Variants in AGTPBP1 observed in about 807,000 individuals in gnomAD.
The protein encoded by AGTPBP1 is cytosolic carboxypeptidase 1.
In AGTPBP1, 70 loss-of-function variants were observed where a neutral mutation model predicts 143.9. The ratio of observed to expected loss-of-function variants is 0.49; its 90% CI spans 0.40 to 0.59. The LOEUF (loss-of-function observed/expected upper bound fraction) is 0.59. Ranked by LOEUF, AGTPBP1 falls within the 20% of genes least tolerant of loss-of-function variation. The pLI is 0.00. For synonymous variants in AGTPBP1, 463 were observed against 500.2 expected, an observed-to-expected ratio of 0.93 and a Z score of 0.99; for missense variants, 1,229 against 1,464.5, an observed-to-expected ratio of 0.84 and a Z score of 2.62.
chr9:85,621,145 C>T, intron 15 of AGTPBP1, 57 bp downstream of exon 15: 1 of 998,426 alleles, frequency 1.0e-6, no homozygotes, highest in Non-Finnish European at 1.4e-6. Flanking sequence ...AGAAATAATA[C>T]TAAAATTTTA....
At chr9:85,748,581 G>A in the AGTPBP1 span, among the ~76,000 whole-genome samples, 2 of 152,110 alleles carry the variant, frequency 1.3e-5, no homozygotes, top group Non-Finnish European at 2.9e-5. Flanking sequence ...CTTCATGGGG[G>A]AAAAATGTAG....
chr9:85,603,931 C>G (rs1169145685), intron 17 of AGTPBP1, among the ~76,000 whole-genome samples: 2 of 152,268 alleles, frequency 1.3e-5, no homozygotes, highest in East Asian at 3.9e-4. Flanking sequence ...GTGGGAAGAA[C>G]TTTGTCTTGC....
chr9:85,584,863 G>A (rs1587683132), intron 23 of AGTPBP1, among the ~76,000 whole-genome samples: 1 of 152,068 alleles, frequency 6.6e-6, no homozygotes, highest in South Asian at 2.1e-4. Flanking sequence ...TGACTAAATA[G>A]ACACATAGGC....
intron 24 of AGTPBP1, 111 bp downstream of exon 24, chr9:85,578,809 T>C (rs1243635297): frequency 1.8e-6 from 2 of 1,095,224 alleles, no homozygotes; most frequent in African/African-American, 1.6e-5. Flanking sequence ...ACATATTACA[T>C]GTAACTCAAT....
At chr9:85,642,495 AT>A (rs569675176) in intron 13 of AGTPBP1, among the ~76,000 whole-genome samples, 50 of 147,790 alleles carry the variant, frequency 3.4e-4, no homozygotes, top group Non-Finnish European at 4.4e-4. Context: ...CACCCAGCTA[AT>A]TTTTTTTTTT....
chr9:85,669,353 ATTAT>A lies in AGTPBP1; in HGVS notation c.662+128_662+131del, dbSNP rs1166856291. 12 of 463,180 alleles carry A rather than the reference ATTAT, an allele frequency of 2.6e-5. No homozygotes were observed. The East Asian group carries it at 3.5e-4, about 13-fold the overall frequency. The allele number at this position is 463,180 out of a possible 1,614,324, so 28.7% of individuals were successfully genotyped here. A position where few individuals can be genotyped will look rare whatever the true frequency, so the allele number is the denominator to read the frequency against. On this transcript the variant is annotated intron_variant, in intron 8 of 25. Transcript: ENST00000357081. ...AGAAAATCTTTATCATGATAAAATC[ATTAT>A]TTAAGAACTAAGAAATGAAATAACC... is the stretch of plus-strand genomic sequence containing the variant.
chr9:85,795,766 T>C, the AGTPBP1 span, among the ~76,000 whole-genome samples: 5 of 152,060 alleles, frequency 3.3e-5, no homozygotes, highest in East Asian at 9.7e-4. Flanking sequence ...TCCAGCTGCA[T>C]CCATGTTGCT....
At chr9:85,779,735 C>T in the AGTPBP1 span, among the ~76,000 whole-genome samples, 1 of 152,130 alleles carries the variant, frequency 6.6e-6, no homozygotes, top group Admixed American at 6.6e-5. Flanking sequence ...TGGCATGTGC[C>T]TGTGGTCCCA....
At chr9:85,620,450 T>A (rs1445445973) in intron 15 of AGTPBP1, among the ~76,000 whole-genome samples, 1 of 151,646 alleles carries the variant, frequency 6.6e-6, no homozygotes, top group East Asian at 1.9e-4. Flanking sequence ...GGTGTTTTTT[T>A]CCTCCACATA....
intron 13 of AGTPBP1, among the ~76,000 whole-genome samples, chr9:85,641,622 T>C (rs916423916): frequency 6.6e-6 from 1 of 152,122 alleles, no homozygotes; most frequent in East Asian, 1.9e-4. Context: ...GCATCTTTTA[T>C]GGCATCTAAG....
At chr9:85,765,686 G>T in the AGTPBP1 span, among the ~76,000 whole-genome samples, 2 of 152,080 alleles carry the variant, frequency 1.3e-5, no homozygotes, top group African/African-American at 2.4e-5. Context: ...TATTGTTGGT[G>T]TCTCATCATT....
chr9:85,628,258 T>C (rs949809123), intron 14 of AGTPBP1, among the ~76,000 whole-genome samples: 2 of 152,202 alleles, frequency 1.3e-5, no homozygotes, highest in Non-Finnish European at 2.9e-5. Context: ...AACAATGCAA[T>C]CGTTCTCAGG....
At chr9:85,773,868 C>T in the AGTPBP1 span, 1 of 1,605,316 alleles carries the variant, frequency 6.2e-7, no homozygotes, top group South Asian at 1.1e-5. Context: ...TGAACGGAAA[C>T]AACAATTATA....
At chr9:85,664,686 T>C (rs1834031538) in intron 8 of AGTPBP1, among the ~76,000 whole-genome samples, 1 of 152,144 alleles carries the variant, frequency 6.6e-6, no homozygotes. Flanking sequence ...AATTTCTACA[T>C]GTTATAAATC....
intron 4 of AGTPBP1, among the ~76,000 whole-genome samples, chr9:85,679,968 T>G (rs751007504): frequency 2.0e-5 from 3 of 152,346 alleles, no homozygotes; most frequent in Non-Finnish European, 4.4e-5. Flanking sequence ...GGAATTTATT[T>G]GGGTGTGGAA....
At chr9:85,629,447 T>C (rs1290601508) in intron 14 of AGTPBP1, among the ~76,000 whole-genome samples, 1 of 152,154 alleles carries the variant, frequency 6.6e-6, no homozygotes, top group African/African-American at 2.4e-5. Context: ...ATCATCAGGA[T>C]AGGCTCAGTC....
At chr9:85,624,370 A>G (rs1258489828) in intron 14 of AGTPBP1, among the ~76,000 whole-genome samples, 1 of 152,208 alleles carries the variant, frequency 6.6e-6, no homozygotes, top group Non-Finnish European at 1.5e-5. Context: ...CTGAGCTTCA[A>G]CCTACTCTTC....
the AGTPBP1 span, among the ~76,000 whole-genome samples, chr9:85,750,988 A>C: frequency 1.4e-4 from 22 of 152,332 alleles, no homozygotes; most frequent in Non-Finnish European, 3.2e-4. Context: ...AAGGAGTCCA[A>C]CTGGGGTCTC....
chr9:85,759,292 T>C, the AGTPBP1 span, among the ~76,000 whole-genome samples: 1 of 152,032 alleles, frequency 6.6e-6, no homozygotes, highest in Non-Finnish European at 1.5e-5. Context: ...CTACAGAACT[T>C]TCCACCCCAC....
Sources: gnomAD v4.1 joint callset for allele counts (sites outside exome capture counted in the v4.1 genomes callset) on GRCh38, gnomAD v4.1.1 for gene constraint, MANE v1.5 for transcripts, NCBI Gene and HGNC (gene_info 2026-07-23, HGNC 2026-07-21) for gene names.